RPA2: variants seen among roughly 807,000 people sequenced by gnomAD.
RPA2 encodes the protein replication protein A2.
RPA2 carries 22 observed loss-of-function variants against 33.4 expected under a neutral mutation model. The ratio of observed to expected loss-of-function variants is 0.66; its 90% CI spans 0.47 to 0.94. The LOEUF is 0.94. RPA2 is among the 40% of genes least tolerant of loss of function. RPA2 has a pLI of 0.00. For missense variants in RPA2, 279 were observed against 329.9 expected, an observed-to-expected ratio of 0.85 and a Z score of 1.19; for synonymous variants, 109 against 114.9, an observed-to-expected ratio of 0.95 and a Z score of 0.33.
At chr1:27,907,628 G>A (rs555670870) in intron 2 of RPA2, among the ~76,000 whole-genome samples, 85 of 152,208 alleles carry the variant, frequency 5.6e-4, no homozygotes, top group Non-Finnish European at 9.3e-4. Flanking sequence ...GCTTTAGGGT[G>A]TAGACAGGCT....
At chr1:27,893,877 G>A (rs1300292526) in intron 8 of RPA2, 135 bp downstream of exon 8, 1 of 655,490 alleles carries the variant, frequency 1.5e-6, no homozygotes, top group African/African-American at 1.8e-5. Context: ...CCAAAGTGCT[G>A]AGATTACAGG....
In RPA2 at chr1:27,897,079, C is replaced by T. The variant is rs758120826; in HGVS notation, c.451G>A (p.Asp151Asn). 8.3e-5 allele frequency: 134 copies of T among 1,613,876 alleles called. No homozygotes were observed. Among genetic ancestry groups the T allele is most frequent in the Non-Finnish European group, 1.4e-5 (16 of 1,179,986 alleles). The change falls in exon 6 of 9, where the codon GAT (aspartate) becomes AAT (asparagine). Residue 151 changes from aspartate (D) to asparagine (N), a missense_variant. Asp to Asn is a conservative substitution (Grantham distance 23, BLOSUM62 1). This residue lies in a region of RPA2 where 274 missense variants were observed against 310.3 expected (regional missense o/e 0.88). Coordinates refer to ENST00000373912, the MANE Select transcript of RPA2 (RefSeq NM_002946.5). ...LVAFKIMPLE[D>N]MNEFTTHILE... ...ATATGTGTGGTGAACTCATTCATAT[C>T]CTCCAGGGGCATGATCTTAAAGGCT...
chr1:27,905,514 C>T (rs1022090276), intron 4 of RPA2, among the ~76,000 whole-genome samples: 3 of 152,090 alleles, frequency 2.0e-5, no homozygotes, highest in Non-Finnish European at 2.9e-5. Flanking sequence ...TGGATTCGAA[C>T]TCCTGACCTC....
chr1:27,913,168 G>A (rs1160655725), intron 2 of RPA2, among the ~76,000 whole-genome samples: 3 of 151,574 alleles, frequency 2.0e-5, no homozygotes, highest in Non-Finnish European at 4.4e-5. Flanking sequence ...GGCCAGGCTG[G>A]TCAGGAACTC....
At chr1:27,899,513 GAA>G (rs67126026) in intron 4 of RPA2, among the ~76,000 whole-genome samples, 4,223 of 107,654 alleles carry the variant, frequency 0.039, 226 homozygotes, top group African/African-American at 0.14. Flanking sequence ...AAAAAAAAAA[GAA>G]AAAAAAAAAA....
At chr1:27,892,675 A>C (rs1464574397) in intron 8 of RPA2, among the ~76,000 whole-genome samples, 2 of 152,238 alleles carry the variant, frequency 1.3e-5, no homozygotes, top group African/African-American at 4.8e-5. Flanking sequence ...TGTGGGAAGC[A>C]AAGGAAACAC....
intron 8 of RPA2, among the ~76,000 whole-genome samples, chr1:27,893,405 AAGCGATCCTCCCACCTC>A (rs1040815375): frequency 2.0e-5 from 3 of 152,122 alleles, no homozygotes; most frequent in Non-Finnish European, 2.9e-5. Context: ...TTCTGGGCTC[AAGCGATCCTCCCACCTC>A]AGCCTCCTGG....
chr1:27,908,219 G>A (rs1422098668), intron 2 of RPA2, among the ~76,000 whole-genome samples: 1 of 151,958 alleles, frequency 6.6e-6, no homozygotes, highest in Non-Finnish European at 1.5e-5. Context: ...AAACTCATGG[G>A]CTCAAGCAAT....
intron 4 of RPA2, among the ~76,000 whole-genome samples, chr1:27,904,248 C>A (rs1424640955): frequency 6.6e-6 from 1 of 152,042 alleles, no homozygotes; most frequent in African/African-American, 2.4e-5. Context: ...GCATATTATC[C>A]CTTCTACAGT....
upstream of RPA2, chr1:27,914,578 C>A (rs28988894): frequency 2.5e-6 from 4 of 1,612,352 alleles, no homozygotes; most frequent in East Asian, 6.7e-5. Context: ...CCGCGAATGG[C>A]GGAGCCAGTC....
Position 27,892,262 on chromosome 1 carries a change from G to GAAAAAAAA in RPA2, c.729-23_729-16dup. On this transcript the variant is annotated splice_polypyrimidine_tract_variant and intron_variant, in intron 8 of 8. Transcript: ENST00000373912. Reference sequence around the variant, plus strand: ...CCACAGCTTGCCTAGAAAGAAAGAAGAAAAAAAAAAGGTCATTTTCAGGCC... The same window carrying GAAAAAAAA: ...CCACAGCTTGCCTAGAAAGAAAGAAGAAAAAAAAAAAAAAAAAAGGTCATTTTCAGGCC... 1 of 1,453,098 alleles carries GAAAAAAAA rather than the reference G, an allele frequency of 6.9e-7. No homozygotes were observed. Among genetic ancestry groups the GAAAAAAAA allele is most frequent in the Non-Finnish European group, 9.3e-7 (1 of 1,071,876 alleles). The allele number at this position is 1,453,098 out of a possible 1,614,324, so 90.0% of individuals were successfully genotyped here.
intron 4 of RPA2, among the ~76,000 whole-genome samples, chr1:27,904,165 CAA>C (rs11334227): frequency 0.024 from 2,923 of 123,496 alleles, 52 homozygotes; most frequent in African/African-American, 0.058. Flanking sequence ...AGCTCCATCT[CAA>C]AAAAAAAAAA....
At chr1:27,910,997 C>A (rs2090089350) in intron 2 of RPA2, among the ~76,000 whole-genome samples, 1 of 152,120 alleles carries the variant, frequency 6.6e-6, no homozygotes, top group South Asian at 2.1e-4. Flanking sequence ...GAGCAGATCG[C>A]CTGACGTCAG....
At chr1:27,913,849 G>A (rs1014305055) in intron 2 of RPA2, among the ~76,000 whole-genome samples, 3 of 152,134 alleles carry the variant, frequency 2.0e-5, no homozygotes, top group African/African-American at 4.8e-5. Flanking sequence ...TAAGGCCAAC[G>A]ACGGGAAAAG....
chr1:27,894,127 G>T (rs1468928219), intron 7 of RPA2, 21 bp from the exon 8 acceptor site: 5 of 1,606,902 alleles, frequency 3.1e-6, no homozygotes, highest in African/African-American at 1.3e-5. Flanking sequence ...AAATCAGAAA[G>T]ATTTTAGCAA....
At chr1:27,897,470 TAAA>T (rs55902224) in intron 5 of RPA2, among the ~76,000 whole-genome samples, 160 bp downstream of exon 5, 12 of 144,476 alleles carry the variant, frequency 8.3e-5, no homozygotes, top group African/African-American at 7.5e-5. Context: ...ATGTTAAGGT[TAAA>T]AAAAAAAAAA....
chr1:27,907,516 T>C (rs921754186), intron 2 of RPA2, among the ~76,000 whole-genome samples: 21 of 152,094 alleles, frequency 1.4e-4, no homozygotes, highest in Non-Finnish European at 2.8e-4. Flanking sequence ...TAGATACACA[T>C]GTTGCTCTGA....
chr1:27,897,533 C>A, intron 5 of RPA2, 100 bp downstream of exon 5: 1 of 725,888 alleles, frequency 1.4e-6, no homozygotes, highest in Non-Finnish European at 2.2e-6. Flanking sequence ...TCCCATTAAA[C>A]AGGGAGACTT....
intron 4 of RPA2, among the ~76,000 whole-genome samples, chr1:27,903,756 G>A (rs1049573955): frequency 6.7e-5 from 10 of 150,158 alleles, no homozygotes; most frequent in Non-Finnish European, 1.3e-4. Context: ...CACCAGGCAC[G>A]GTGGCATCAG....
Sources: gnomAD v4.1 joint callset for allele counts (sites outside exome capture counted in the v4.1 genomes callset) on GRCh38, gnomAD v4.1.1 for gene constraint, gnomAD v4.1.1 regional missense constraint, MANE v1.5 for transcripts, NCBI Gene and HGNC (gene_info 2026-07-23, HGNC 2026-07-21) for gene names.